The following ERC1 variants were observed in gnomAD, a reference collection of about 807,000 sequenced individuals.
ERC1 encodes the protein RAB6 interacting protein 2.
Under a neutral mutation model 132.0 loss-of-function variants are expected in ERC1, and 56 were observed. The ratio of observed to expected loss-of-function variants is 0.42; its 90% CI spans 0.34 to 0.53. The LOEUF (loss-of-function observed/expected upper bound fraction) is 0.53, where lower values mean the gene tolerates loss of function less well. ERC1 is among the 20% of genes least tolerant of loss of function. The probability of loss-of-function intolerance (pLI) is 0.03; values close to 1 mark genes in which losing one functional copy is unlikely to be tolerated. For missense variants in ERC1, 1,202 were observed against 1,349.9 expected, an observed-to-expected ratio of 0.89 and a Z score of 1.72; for synonymous variants, 478 against 476.1, an observed-to-expected ratio of 1.00 and a Z score of -0.05.
At position 1,296,264 on chromosome 12, in the gene ERC1, G is replaced by A. The variant is rs548962402; in HGVS notation, c.2780+6252G>A. On this transcript the variant is annotated intron_variant, in intron 15 of 18. Transcript: ENST00000360905. ...GATTGCTTGAGCCTGGGAGATTGAG[G>A]CTGCAGTGAACTTTGATTGTGCCAG... Among the ~76,000 whole-genome samples, 114 of 152,094 alleles carry A rather than the reference G, an allele frequency of 7.5e-4. 1 individual carries two copies. Among genetic ancestry groups the A allele is most frequent in the African/African-American group, 2.6e-3 (109 of 41,464 alleles).
chr12:1,122,668 C>T (rs187680682), intron 7 of ERC1, among the ~76,000 whole-genome samples: 968 of 58,022 alleles, frequency 0.017, 144 homozygotes, highest in South Asian at 0.038. Flanking sequence ...TCTATCTCTG[C>T]CTATTGATAT....
chr12:1,127,115 A>C (rs1417577070), intron 7 of ERC1, among the ~76,000 whole-genome samples: 1 of 152,118 alleles, frequency 6.6e-6, no homozygotes, highest in Non-Finnish European at 1.5e-5. Flanking sequence ...TGATATCATC[A>C]ATCTTACTAG....
intron 2 of ERC1, among the ~76,000 whole-genome samples, chr12:1,053,670 T>C (rs1972432698): frequency 6.6e-6 from 1 of 152,244 alleles, no homozygotes; most frequent in South Asian, 2.1e-4. Context: ...TTCTATTTGC[T>C]TCCTTCTTGG....
At chr12:1,482,669 A>G (rs1199447437) in intron 18 of ERC1, among the ~76,000 whole-genome samples, 1 of 151,592 alleles carries the variant, frequency 6.6e-6, no homozygotes, top group Non-Finnish European at 1.5e-5. Context: ...CTGGTCTCGA[A>G]CTCCTGATCT....
chr12:1,294,610 T>C (rs1486878657), intron 15 of ERC1, among the ~76,000 whole-genome samples: 1 of 152,226 alleles, frequency 6.6e-6, no homozygotes, highest in Admixed American at 6.5e-5. Context: ...TTTTTCCTTA[T>C]CTTTTCTTTT....
At position 1,066,951 on chromosome 12, in the gene ERC1, G is replaced by A. The variant is rs1361122193; in HGVS notation, c.670-16213G>A. On this transcript the variant is annotated intron_variant, in intron 2 of 18. Transcript: ENST00000360905. ...TGTAGTTGAAAATATGGAACTATAG[G>A]CATGTGCCACCACACCCAGCTAGTT... is the stretch of plus-strand genomic sequence containing the variant. Among the ~76,000 whole-genome samples the A allele has an allele frequency of 2.0e-5, 3 of 151,992 alleles. No individual in the cohort carries two copies. In the East Asian group the frequency reaches 5.8e-4, roughly 29 times the overall value.
At chr12:1,429,001 A>G (rs747816798) in intron 17 of ERC1, among the ~76,000 whole-genome samples, 72 of 152,364 alleles carry the variant, frequency 4.7e-4, no homozygotes, top group Admixed American at 8.5e-4. Context: ...AAAGCAGAGC[A>G]CAAATAGAGG....
At chr12:1,473,726 T>C (rs1217062562) in intron 18 of ERC1, among the ~76,000 whole-genome samples, 1 of 151,878 alleles carries the variant, frequency 6.6e-6, no homozygotes. Context: ...GCACAGTCTC[T>C]GCAAGTGCAG....
chr12:1,101,032 G>C (rs1944599730), intron 3 of ERC1, among the ~76,000 whole-genome samples: 1 of 152,070 alleles, frequency 6.6e-6, no homozygotes, highest in African/African-American at 2.4e-5. Context: ...TGAGCAGTTG[G>C]GTAAAATGCT....
intron 15 of ERC1, among the ~76,000 whole-genome samples, chr12:1,332,053 C>A (rs529854062): frequency 6.6e-6 from 1 of 152,170 alleles, no homozygotes; most frequent in East Asian, 1.9e-4. Flanking sequence ...CATTTCCTTT[C>A]CTTCATTTTC....
chr12:1,050,310 G>GATA (rs1365268488), intron 2 of ERC1, among the ~76,000 whole-genome samples: 2 of 152,180 alleles, frequency 1.3e-5, no homozygotes, highest in African/African-American at 4.8e-5. Context: ...TGTGAGACAG[G>GATA]GAAGTGGTGG....
intron 14 of ERC1, among the ~76,000 whole-genome samples, chr12:1,276,745 C>A (rs78975894): frequency 0.012 from 1,851 of 152,232 alleles, 30 homozygotes; most frequent in African/African-American, 0.041. Context: ...CAATGGCATT[C>A]AATGAATATT....
chr12:1,091,976 A>T (rs34416623), intron 3 of ERC1, among the ~76,000 whole-genome samples: 28,159 of 149,944 alleles, frequency 0.19, 3,366 homozygotes, highest in Non-Finnish European at 0.25. Flanking sequence ...TCCATCTTTT[A>T]AAAAAAAGTG....
intron 14 of ERC1, among the ~76,000 whole-genome samples, chr12:1,275,771 G>GT (rs1474868963): frequency 1.3e-5 from 2 of 152,158 alleles, no homozygotes; most frequent in Non-Finnish European, 2.9e-5. Context: ...AAGAAAAGGA[G>GT]TTTATTTGGC....
chr12:1,060,185 TA>T (rs1973731635), intron 2 of ERC1, among the ~76,000 whole-genome samples: 4 of 151,462 alleles, frequency 2.6e-5, no homozygotes, highest in African/African-American at 2.4e-5. Context: ...CTTTTTTTTT[TA>T]CTATTATACT....
intron 18 of ERC1, among the ~76,000 whole-genome samples, chr12:1,453,285 T>C (rs530021575): frequency 2.6e-5 from 4 of 152,288 alleles, no homozygotes; most frequent in East Asian, 3.9e-4. Flanking sequence ...ATTCATAATT[T>C]GGGGTCCTAC....
chr12:1,135,076 T>C (rs1169700881), intron 7 of ERC1, among the ~76,000 whole-genome samples: 1 of 152,056 alleles, frequency 6.6e-6, no homozygotes, highest in Non-Finnish European at 1.5e-5. Context: ...GACCAAAGGG[T>C]CTGAGAATGG....
chr12:1,183,906 C>T lies in ERC1; in HGVS notation c.2157+485C>T, dbSNP rs533548181. Reference sequence around the variant, plus strand: ...ATCCCAGCACTTTGGGAGGCCGAGGCGGGCAGATGACGAGGTCAGGAGTTC... The same window carrying T: ...ATCCCAGCACTTTGGGAGGCCGAGGTGGGCAGATGACGAGGTCAGGAGTTC... On this transcript the variant is annotated intron_variant, in intron 11 of 18. Coordinates refer to ENST00000360905, the MANE Select transcript of ERC1 (RefSeq NM_178040.4). Among the ~76,000 whole-genome samples the T allele has an allele frequency of 6.4e-4, 98 of 152,024 alleles. 1 individual carries two copies. The highest frequency in any genetic ancestry group is 2.1e-3 in the African/African-American group (86 of 41,470).
intron 11 of ERC1, among the ~76,000 whole-genome samples, chr12:1,184,777 G>A (rs1046595156): frequency 2.6e-5 from 4 of 152,132 alleles, no homozygotes; most frequent in East Asian, 1.9e-4. Flanking sequence ...TTTAGAGACA[G>A]GGTCTTGCTC....
Sources: gnomAD v4.1 joint callset for allele counts (sites outside exome capture counted in the v4.1 genomes callset) on GRCh38, gnomAD v4.1.1 for gene constraint, MANE v1.5 for transcripts, NCBI Gene and HGNC (gene_info 2026-07-23, HGNC 2026-07-21) for gene names.